Variants in CCDC149 observed in about 807,000 individuals in gnomAD.
CCDC149 encodes the protein coiled-coil domain containing 149.
A neutral mutation model predicts 59.9 loss-of-function variants in CCDC149; 45 were observed. The ratio of observed to expected loss-of-function variants is 0.75; its 90% confidence interval spans 0.59 to 0.96. CCDC149 has a LOEUF of 0.96. Among genes scored for constraint, CCDC149 ranks in the 40% least tolerant of loss-of-function variants. The pLI, the probability that CCDC149 is intolerant of heterozygous loss-of-function variation, is 0.00. For missense variants in CCDC149, 584 were observed against 664.7 expected, an observed-to-expected ratio of 0.88 and a Z score of 1.33; for synonymous variants, 245 against 260.6, an observed-to-expected ratio of 0.94 and a Z score of 0.58.
chr4:24,943,066 C>T (rs892046250), intron 1 of CCDC149, among the ~76,000 whole-genome samples: 4 of 151,412 alleles, frequency 2.6e-5, no homozygotes, highest in African/African-American at 4.9e-5. Context: ...TCATATGGAA[C>T]CAAAAAAGAG....
At chr4:24,915,505 C>T (rs559087806), upstream of CCDC149, among the ~76,000 whole-genome samples, 17 of 152,372 alleles carry the variant, frequency 1.1e-4, no homozygotes, top group African/African-American at 3.8e-4. Flanking sequence ...AAGAAATCTT[C>T]GCATTCCAGA....
rs1427079859 is a variant in CCDC149, at chr4:24,973,419, C to A, written c.-65+6650G>T. ...ATGTCAAAACTTATCCAATTGTACA[C>A]TTTAAGTATATGGAGTTTACTGTAT... is the stretch of plus-strand genomic sequence containing the variant. On this transcript the variant is annotated intron_variant, in intron 1 of 12. Transcript: ENST00000389609. 2.0e-5 allele frequency among the ~76,000 whole-genome samples: 3 copies of A among 152,158 alleles called. No individual in the cohort carries two copies. In the East Asian group the frequency reaches 5.8e-4, roughly 29 times the overall value.
At chr4:24,914,866 A>G (rs149360068), upstream of CCDC149, among the ~76,000 whole-genome samples, 3 of 152,322 alleles carry the variant, frequency 2.0e-5, no homozygotes, top group African/African-American at 7.2e-5. Flanking sequence ...AGAAAATTTT[A>G]CAACGGACTG....
chr4:24,819,863 C>T lies in CCDC149; in HGVS notation c.1188G>A (p.Lys396=). ...GAGAAATCGAGGCGTGCTTACCATCCTTGGGATCTGCTTTGTTCTCAGTGG... is the reference window on the plus strand; with the variant it reads ...GAGAAATCGAGGCGTGCTTACCATCTTTGGGATCTGCTTTGTTCTCAGTGG... Residue 396 remains lysine, a synonymous_variant, in exon 12 of 13, where the codon AAG becomes AAA. Transcript: ENST00000635206. 6.4e-7 allele frequency: 1 copy of T among 1,550,820 alleles called. No homozygotes were observed. Among genetic ancestry groups the T allele is most frequent in the Non-Finnish European group, 8.7e-7 (1 of 1,146,230 alleles).
intron 8 of CCDC149, among the ~76,000 whole-genome samples, chr4:24,834,332 C>A (rs542208156): frequency 6.6e-6 from 1 of 152,058 alleles, no homozygotes. Flanking sequence ...CAGAAGCCAG[C>A]GTGCTGCTAT....
chr4:24,838,155 C>G lies in CCDC149; in HGVS notation c.489+1G>C. The G allele has an allele frequency of 6.2e-7, 1 of 1,610,744 alleles. No individual in the cohort carries two copies. The highest frequency in any genetic ancestry group is 8.5e-7 in the Non-Finnish European group (1 of 1,176,846). ...CACTCTGAATAGATGTTAGTGAGAA[C>G]CTGTTCCTTAGCTCGCTCTAGCTGC... On this transcript the variant is annotated splice_donor_variant, in intron 5 of 12. Transcript: ENST00000635206. LOFTEE classifies it high-confidence loss of function.
intron 1 of CCDC149, among the ~76,000 whole-genome samples, chr4:24,882,996 T>C (rs560675764): frequency 2.4e-4 from 37 of 152,326 alleles, no homozygotes; most frequent in Non-Finnish European, 4.6e-4. Context: ...CAAGCTTCCA[T>C]ATGCTTACGT....
chr4:24,804,181 A>G (rs908910828), downstream of CCDC149, among the ~76,000 whole-genome samples: 3 of 151,998 alleles, frequency 2.0e-5, no homozygotes, highest in Admixed American at 6.6e-5. Context: ...GGAAGAAGGT[A>G]CTCTCTTTTT....
chr4:24,904,453 A>T (rs6448314), intron 1 of CCDC149, among the ~76,000 whole-genome samples: 151,121 of 152,158 alleles, frequency 0.99, 75,058 homozygotes, highest in Middle Eastern at 1. Context: ...ATAATTTTTT[A>T]AAAAAGAAAG....
At chr4:24,958,755 G>C (rs891521159) in intron 1 of CCDC149, among the ~76,000 whole-genome samples, 1 of 152,138 alleles carries the variant, frequency 6.6e-6, no homozygotes, top group Non-Finnish European at 1.5e-5. Context: ...AAAAAAGCCA[G>C]GTGCGGTGGC....
At chr4:24,957,161 T>C (rs1723489190) in intron 1 of CCDC149, among the ~76,000 whole-genome samples, 1 of 152,202 alleles carries the variant, frequency 6.6e-6, no homozygotes, top group Non-Finnish European at 1.5e-5. Flanking sequence ...CCATGAAGTA[T>C]CATGTGGCCA....
At chr4:24,967,180 C>A (rs888073523) in intron 1 of CCDC149, among the ~76,000 whole-genome samples, 2 of 152,110 alleles carry the variant, frequency 1.3e-5, no homozygotes, top group Admixed American at 1.3e-4. Context: ...CCAGGGAATT[C>A]GGACTGAGTG....
At chr4:24,901,135 T>C (rs1292766122) in intron 1 of CCDC149, among the ~76,000 whole-genome samples, 1 of 152,178 alleles carries the variant, frequency 6.6e-6, no homozygotes, top group Non-Finnish European at 1.5e-5. Flanking sequence ...TTTGTTGCAA[T>C]AAAATAGCTT....
intron 1 of CCDC149, among the ~76,000 whole-genome samples, chr4:24,881,450 T>C (rs556711033): frequency 5.8e-4 from 88 of 152,220 alleles, no homozygotes; most frequent in Non-Finnish European, 2.4e-4. Context: ...CAGGTTGCTA[T>C]AGGGTTGCCA....
upstream of CCDC149, among the ~76,000 whole-genome samples, chr4:24,913,135 A>G (rs1478339679): frequency 1.3e-5 from 2 of 150,810 alleles, no homozygotes; most frequent in Admixed American, 6.6e-5. Context: ...CCGCGCCCTC[A>G]GCCCCGCGAC....
chr4:24,918,577 G>A (rs866069117), intron 1 of CCDC149, among the ~76,000 whole-genome samples: 4 of 152,264 alleles, frequency 2.6e-5, no homozygotes, highest in South Asian at 2.1e-4. Flanking sequence ...CAATTGCATC[G>A]AAACAGGAGA....
intron 3 of CCDC149, among the ~76,000 whole-genome samples, chr4:24,863,149 C>T (rs2067106): frequency 2.1e-4 from 32 of 152,036 alleles, no homozygotes; most frequent in African/African-American, 6.0e-4. Context: ...AAAAATTAGC[C>T]GGGCGTGGCG....
intron 1 of CCDC149, among the ~76,000 whole-genome samples, chr4:24,977,937 A>G (rs1203963563): frequency 6.6e-6 from 1 of 152,204 alleles, no homozygotes; most frequent in Admixed American, 6.5e-5. Context: ...GTTCAAGTCC[A>G]GCCTGGGTAA....
At chr4:24,932,250 T>A (rs1722617467) in intron 1 of CCDC149, among the ~76,000 whole-genome samples, 1 of 152,220 alleles carries the variant, frequency 6.6e-6, no homozygotes, top group Non-Finnish European at 1.5e-5. Context: ...TGCATACAAT[T>A]AGTACCTTTT....
Sources: gnomAD v4.1 joint callset for allele counts (sites outside exome capture counted in the v4.1 genomes callset) on GRCh38, gnomAD v4.1.1 for gene constraint, MANE v1.5 for transcripts, NCBI Gene and HGNC (gene_info 2026-07-23, HGNC 2026-07-21) for gene names.